The following AOC3 variants were observed in gnomAD, a reference collection of about 807,000 sequenced individuals.
The protein encoded by AOC3 is amine oxidase copper containing 3.
AOC3 carries 47 observed loss-of-function variants against 55.4 expected under a neutral mutation model. The ratio of observed to expected loss-of-function variants is 0.85; its 90% CI spans 0.67 to 1.08. The LOEUF (loss-of-function observed/expected upper bound fraction) is 1.08, where lower values mean the gene tolerates loss of function less well. Ranked by LOEUF, AOC3 falls within the 50% of genes least tolerant of loss-of-function variation. The probability of loss-of-function intolerance (pLI) is 0.00; values close to 1 mark genes in which losing one functional copy is unlikely to be tolerated. For missense variants in AOC3, 853 were observed against 993.1 expected, an observed-to-expected ratio of 0.86 and a Z score of 1.90; for synonymous variants, 386 against 410.7, an observed-to-expected ratio of 0.94 and a Z score of 0.73.
intron 1 of AOC3, among the ~76,000 whole-genome samples, chr17:42,853,732 C>A (rs1187806595): frequency 2.6e-5 from 4 of 152,180 alleles, no homozygotes; most frequent in African/African-American, 9.7e-5. Context: ...AGCCAAGAGC[C>A]ACTCTGCACC....
At chr17:42,854,850 C>CA in intron 2 of AOC3, 117 bp downstream of exon 2, 6 of 982,074 alleles carry the variant, frequency 6.1e-6, no homozygotes, top group Non-Finnish European at 6.6e-6. Flanking sequence ...CTTTTCTTTT[C>CA]CTTTTTTTTT....
Position 42,852,595 on chromosome 17 carries a change from G to T in AOC3, c.1252G>T (p.Glu418Ter). 2 of 1,614,142 alleles carry T rather than the reference G, an allele frequency of 1.2e-6. No homozygotes were observed. Among genetic ancestry groups the T allele is most frequent in the Non-Finnish European group, 1.7e-6 (2 of 1,180,032 alleles). ...ATYVDWHFLLESQAPKTIRDA... is the reference protein window; with the variant it reads ...ATYVDWHFLL ...CTACGTGGACTGGCACTTCCTTTTG[G>T]AGTCCCAGGCCCCCAAGACAATACG... Residue 418 changes from glutamate to a stop codon, truncating the protein, a stop_gained, in exon 1 of 4, where the codon GAG becomes TAG. Coordinates refer to ENST00000308423, the MANE Select transcript of AOC3 (RefSeq NM_003734.4). LOFTEE classifies it high-confidence loss of function.
Position 42,852,527 on chromosome 17 carries a change from C to G in AOC3, c.1184C>G (p.Thr395Ser). Residue 395 changes from threonine to serine, a missense_variant, in exon 1 of 4, where the codon ACC (threonine) becomes AGC (serine). By Grantham distance (58) the Thr-to-Ser change is moderately conservative. Coordinates refer to ENST00000308423, the MANE Select transcript of AOC3 (RefSeq NM_003734.4). ...VDGGFGMGKY[T>S]TPLTRGVDCP... ...GGAGGCTTTGGCATGGGCAAGTACA[C>G]CACGCCCCTGACCCGTGGGGTGGAC... The G allele has an allele frequency of 6.2e-7, 1 of 1,614,220 alleles. No individual in the cohort carries two copies. The highest frequency in any genetic ancestry group is 8.5e-7 in the Non-Finnish European group (1 of 1,180,028).
intron 2 of AOC3, among the ~76,000 whole-genome samples, chr17:42,855,047 A>G (rs929083624): frequency 3.9e-5 from 6 of 152,022 alleles, no homozygotes; most frequent in Non-Finnish European, 4.4e-5. Flanking sequence ...GGGTTTCACC[A>G]TGTTGGCCAG....
At position 42,856,374 on chromosome 17, in the gene AOC3, C is replaced by A. The variant is rs758238458; in HGVS notation, c.2116C>A (p.Arg706=). The A allele has an allele frequency of 1.2e-6, 2 of 1,614,194 alleles. No homozygotes were observed. The highest frequency in any genetic ancestry group is 2.2e-5 in the East Asian group (1 of 44,892). ...TVGNGVGFFL[R]PYNFFDEDPS... is the part of the protein sequence containing the mutation. ...GGGGAACGGCGTGGGCTTCTTCCTCCGACCCTATAACTTCTTTGACGAAGA... is the reference window on the plus strand; with the variant it reads ...GGGGAACGGCGTGGGCTTCTTCCTCAGACCCTATAACTTCTTTGACGAAGA... The change falls in exon 4 of 4, where the codon CGA becomes AGA. Residue 706 remains arginine, a synonymous_variant. Coordinates refer to ENST00000308423, the MANE Select transcript of AOC3 (RefSeq NM_003734.4).
chr17:42,854,825 GCT>G, intron 2 of AOC3, 92 bp downstream of exon 2: 1 of 1,180,046 alleles, frequency 8.5e-7, no homozygotes, highest in Non-Finnish European at 1.1e-6. Context: ...TGAGGGGAGA[GCT>G]CTCTCAGGAA....
rs1431356171 is a variant in AOC3, at chr17:42,856,391, T to G, written c.2133T>G (p.Phe711Leu). The G allele has an allele frequency of 1.2e-5, 19 of 1,614,074 alleles. No homozygotes were observed. Among genetic ancestry groups the G allele is most frequent in the Non-Finnish European group, 1.6e-5 (19 of 1,180,030 alleles). The change falls in exon 4 of 4, where the codon TTT becomes TTG. Residue 711 changes from phenylalanine (F) to leucine (L), a missense_variant. Physicochemically the swap from Phe to Leu is conservative, Grantham distance 22. Transcript: ENST00000308423. ...VGFFLRPYNFFDEDPSFYSAD... is the reference protein window; with the variant it reads ...VGFFLRPYNFLDEDPSFYSAD... ...TCTTCCTCCGACCCTATAACTTCTTTGACGAAGACCCCTCCTTCTACTCTG... is the reference window on the plus strand; with the variant it reads ...TCTTCCTCCGACCCTATAACTTCTTGGACGAAGACCCCTCCTTCTACTCTG...
At position 42,856,694 on chromosome 17, in the gene AOC3, C is replaced by T; in HGVS notation, c.*144C>T. 1.0e-6 allele frequency: 1 copy of T among 990,714 alleles called. No homozygotes were observed. The highest frequency in any genetic ancestry group is 1.5e-6 in the Non-Finnish European group (1 of 684,700). The allele number at this position is 990,714 out of a possible 1,614,324, so 61.4% of individuals were successfully genotyped here. On this transcript the variant is annotated 3_prime_UTR_variant, in exon 4 of 4. Coordinates refer to ENST00000308423, the MANE Select transcript of AOC3 (RefSeq NM_003734.4). The stretch of plus-strand genomic sequence containing the variant: ...CTTCCACTACCCTCCCTCGCATCCG[C>T]CTCTGAGCCAGGAGCCTCCTGACCC...
In AOC3 at chr17:42,851,549, C is replaced by A. The variant is rs552584884; in HGVS notation, c.206C>A (p.Thr69Lys). The A allele has an allele frequency of 2.5e-6, 4 of 1,613,912 alleles. No homozygotes were observed. The East Asian group carries it at 8.9e-5, about 36-fold the overall frequency. Reference protein sequence around the residue: ...LFADLSREELTAVMRFLTQRL... With the variant: ...LFADLSREELKAVMRFLTQRL... ...GCAGACCTGAGCCGAGAGGAGCTGA[C>A]GGCTGTGATGCGCTTTCTGACCCAG... Residue 69 changes from threonine (T) to lysine (K), a missense_variant, in exon 1 of 4, where the codon ACG (threonine) becomes AAG (lysine). Coordinates refer to ENST00000308423, the MANE Select transcript of AOC3 (RefSeq NM_003734.4).
rs1310373343 is a variant in AOC3 at position 42,852,435 on chromosome 17, C to G, written c.1092C>G (p.Ser364Arg). Reference protein sequence around the residue: ...FQGERLVYEISLQEALAIYGG... With the variant: ...FQGERLVYEIRLQEALAIYGG... ...GAGAAAGACTAGTTTATGAGATAAGCCTCCAAGAGGCCTTGGCCATCTATG... is the reference window on the plus strand; with the variant it reads ...GAGAAAGACTAGTTTATGAGATAAGGCTCCAAGAGGCCTTGGCCATCTATG... Residue 364 changes from serine to arginine, a missense_variant, in exon 1 of 4, where the codon AGC (serine) becomes AGG (arginine). Transcript: ENST00000308423. 1.9e-6 allele frequency: 3 copies of G among 1,614,224 alleles called. No individual in the cohort carries two copies. Among genetic ancestry groups the G allele is most frequent in the Non-Finnish European group, 2.5e-6 (3 of 1,180,050 alleles).
rs1412122854 is a variant in AOC3, at chr17:42,852,752, A to G, written c.1409A>G (p.Asn470Ser). Residue 470 changes from asparagine (N) to serine (S), a missense_variant, in exon 1 of 4, where the codon AAC (asparagine) becomes AGC (serine). By Grantham distance (46) the Asn-to-Ser change is conservative (BLOSUM62 1). Transcript: ENST00000308423. ...GTCAGATCTATGTCCACCTTGCTCA[A>G]CTATGACTATGTGTGGGATACGGTC... The part of the protein sequence containing the change: ...LVVRSMSTLL[N>S]YDYVWDTVFH... 1.2e-6 allele frequency: 2 copies of G among 1,614,038 alleles called. No individual in the cohort carries two copies. The highest frequency in any genetic ancestry group is 1.7e-6 in the Non-Finnish European group (2 of 1,180,002).
rs1164678163 is a variant in AOC3, at chr17:42,851,927, T to C, written c.584T>C (p.Leu195Pro). ...NRELPQASGL[L>P]HHCCFYKHRG... Reference sequence around the variant, plus strand: ...GAGCTGCCCCAGGCTTCTGGGCTTCTCCACCACTGTTGCTTCTACAAGCAC... The same window carrying C: ...GAGCTGCCCCAGGCTTCTGGGCTTCCCCACCACTGTTGCTTCTACAAGCAC... The change falls in exon 1 of 4, where the codon CTC (leucine) becomes CCC (proline). Residue 195 changes from leucine (L) to proline (P), a missense_variant. Transcript: ENST00000308423. The C allele has an allele frequency of 2.5e-6, 4 of 1,613,770 alleles. No homozygotes were observed. The highest frequency in any genetic ancestry group is 3.4e-6 in the Non-Finnish European group (4 of 1,179,932).
At chr17:42,854,996 G>A (rs1409547936) in intron 2 of AOC3, among the ~76,000 whole-genome samples, 12 of 151,906 alleles carry the variant, frequency 7.9e-5, no homozygotes, top group Non-Finnish European at 1.2e-4. Flanking sequence ...ACAGGTGCAC[G>A]CCACCACACA....
At chr17:42,853,682 C>T (rs1291693612) in intron 1 of AOC3, among the ~76,000 whole-genome samples, 1 of 152,126 alleles carries the variant, frequency 6.6e-6, no homozygotes, top group Non-Finnish European at 1.5e-5. Context: ...CGTGCAGGTG[C>T]CAGCCCTCTC....
At position 42,852,474 on chromosome 17, in the gene AOC3, A is replaced by C; in HGVS notation, c.1131A>C (p.Pro377=). 2 of 1,614,230 alleles carry C rather than the reference A, an allele frequency of 1.2e-6. No homozygotes were observed. Among genetic ancestry groups the C allele is most frequent in the Non-Finnish European group, 1.7e-6 (2 of 1,180,040 alleles). Residue 377 remains proline, a synonymous_variant, in exon 1 of 4, where the codon CCA becomes CCC. Coordinates refer to ENST00000308423, the MANE Select transcript of AOC3 (RefSeq NM_003734.4). ...EALAIYGGNS[P]AAMTTRYVDG... ...TGGCCATCTATGGTGGAAATTCCCC[A>C]GCAGCAATGACGACCCGCTATGTGG...
At position 42,856,801 on chromosome 17, in the gene AOC3, C is replaced by T. The variant is rs180893952; in HGVS notation, c.*251C>T. 885 of 553,012 alleles carry T rather than the reference C, an allele frequency of 1.6e-3. 5 individuals are homozygous for T. The highest frequency in any genetic ancestry group is 0.015 in the African/African-American group (778 of 53,236). The allele number at this position is 553,012 out of a possible 1,614,324, so 34.3% of individuals were successfully genotyped here. On this transcript the variant is annotated 3_prime_UTR_variant, in exon 4 of 4. Coordinates refer to ENST00000308423, the MANE Select transcript of AOC3 (RefSeq NM_003734.4). ...TCATCCACAGAGGCCAGGCATGGCC[C>T]AGCCTGGAGCCGTGGCCGAGGGCTT... is the stretch of plus-strand genomic sequence containing the variant.
rs1414062128 is a variant in AOC3, at chr17:42,851,355, G to A, written c.12G>A (p.Lys4=). 2 of 1,599,766 alleles carry A rather than the reference G, an allele frequency of 1.3e-6. No individual in the cohort carries two copies. The highest frequency in any genetic ancestry group is 2.2e-5 in the East Asian group (1 of 44,738). Residue 4 remains lysine, a synonymous_variant, in exon 1 of 4, where the codon AAG becomes AAA. Transcript: ENST00000308423. MNQ[K]TILVLLILAV... is the part of the protein sequence containing the mutation. ...CTCTTCGTGGGAAAATGAACCAGAA[G>A]ACAATCCTCGTGCTCCTCATTCTGG...
Position 42,856,676 on chromosome 17 carries a change from T to G in AOC3, c.*126T>G. On this transcript the variant is annotated 3_prime_UTR_variant, in exon 4 of 4. Transcript: ENST00000308423. Reference sequence around the variant, plus strand: ...TGTGCCAGGACTCTCTTTCTTCCACTACCCTCCCTCGCATCCGCCTCTGAG... The same window carrying G: ...TGTGCCAGGACTCTCTTTCTTCCACGACCCTCCCTCGCATCCGCCTCTGAG... 5 of 1,130,052 alleles carry G rather than the reference T, an allele frequency of 4.4e-6. No homozygotes were observed. Among genetic ancestry groups the G allele is most frequent in the Non-Finnish European group, 6.2e-6 (5 of 801,436 alleles). The allele number at this position is 1,130,052 out of a possible 1,614,324, so 70.0% of individuals were successfully genotyped here.
At position 42,852,278 on chromosome 17, in the gene AOC3, C is replaced by T; in HGVS notation, c.935C>T (p.Pro312Leu). 3 of 1,614,034 alleles carry T rather than the reference C, an allele frequency of 1.9e-6. No individual in the cohort carries two copies. The highest frequency in any genetic ancestry group is 2.5e-6 in the Non-Finnish European group (3 of 1,180,024). ...LKSPVPPGPAPPLQFYPQGPR... is the reference protein window; with the variant it reads ...LKSPVPPGPALPLQFYPQGPR... ...TCCCCTGTGCCCCCGGGTCCAGCTC[C>T]CCCTCTACAGTTCTATCCCCAAGGC... Residue 312 changes from proline to leucine, a missense_variant, in exon 1 of 4, where the codon CCC (proline) becomes CTC (leucine). Physicochemically the swap from Pro to Leu is moderately conservative, Grantham distance 98. Coordinates refer to ENST00000308423, the MANE Select transcript of AOC3 (RefSeq NM_003734.4).
Sources: allele counts gnomAD v4.1 joint callset (sites outside exome capture counted in the v4.1 genomes callset), GRCh38; gene constraint gnomAD v4.1.1; transcripts MANE v1.5; gene names NCBI Gene and HGNC (gene_info 2026-07-23, HGNC 2026-07-21).